DVL1: variants seen among roughly 807,000 people sequenced by gnomAD.
DVL1 encodes the protein segment polarity protein dishevelled homolog DVL-1.
DVL1 carries 49 observed loss-of-function variants against 65.0 expected under a neutral mutation model. That is an observed-to-expected ratio of 0.75 (90% CI 0.60 to 0.96). DVL1 has a LOEUF of 0.96. Ranked by LOEUF, DVL1 falls within the 40% of genes least tolerant of loss-of-function variation. DVL1 has a pLI of 0.00. For missense variants in DVL1, 1,197 were observed against 1,045.4 expected (o/e 1.15, Z -2.00); for synonymous variants, 608 against 433.9 (o/e 1.40, Z -4.99).
chr1:1,337,249 C>T (rs1269889717), intron 14 of DVL1, among the ~76,000 whole-genome samples: 2 of 152,168 alleles, frequency 1.3e-5, no homozygotes. Flanking sequence ...CGCCTCTCCT[C>T]TCTCGCCCTC....
At chr1:1,344,064 C>T (rs549770037) in intron 1 of DVL1, among the ~76,000 whole-genome samples, 1 of 152,204 alleles carries the variant, frequency 6.6e-6, no homozygotes, top group Admixed American at 6.5e-5. Context: ...GAGGGGATGG[C>T]TGGGCAGGGG....
In DVL1 at chr1:1,342,485, C is replaced by A; in HGVS notation, c.241-1G>T. ...AGTGAGCACCCTCAGCCAGGACCAGCTGTGGAGGGAGCAGGCATGCTCAGG... is the reference window on the plus strand; with the variant it reads ...AGTGAGCACCCTCAGCCAGGACCAGATGTGGAGGGAGCAGGCATGCTCAGG... On this transcript the variant is annotated splice_acceptor_variant, in intron 2 of 14. Coordinates refer to ENST00000378888, the MANE Select transcript of DVL1 (RefSeq NM_001330311.2). LOFTEE classifies it high-confidence loss of function. 6.2e-7 allele frequency: 1 copy of A among 1,610,096 alleles called. No individual in the cohort carries two copies. Among genetic ancestry groups the A allele is most frequent in the Admixed American group, 1.7e-5 (1 of 59,880 alleles).
rs763193745 is a variant in DVL1, at chr1:1,340,281, C to G, written c.735G>C (p.Met245Ile). 2 of 1,614,034 alleles carry G rather than the reference C, an allele frequency of 1.2e-6. No individual in the cohort carries two copies. The highest frequency in any genetic ancestry group is 2.2e-5 in the South Asian group (2 of 91,090). Residue 245 changes from methionine to isoleucine, a missense_variant, in exon 7 of 15, where the codon ATG becomes ATC. Coordinates refer to ENST00000378888, the MANE Select transcript of DVL1 (RefSeq NM_001330311.2). ...GCGTGACAGTGACGATGTTGAGGGA[C>G]ATGGTGGAGTCGGTTATGCTGCTGA... ...SSFSSITDST[M>I]SLNIVTVTLN...
intron 14 of DVL1, chr1:1,337,010 T>A (rs1210535474): frequency 1.0e-6 from 1 of 990,096 alleles, no homozygotes; most frequent in African/African-American, 1.7e-5. Flanking sequence ...GGCGGGACCC[T>A]GGCTTACCGG....
At position 1,342,176 on chromosome 1, in the gene DVL1, T is replaced by A; in HGVS notation, c.363-20A>T. 1 of 1,544,016 alleles carries A rather than the reference T, an allele frequency of 6.5e-7. No individual in the cohort carries two copies. Among genetic ancestry groups the A allele is most frequent in the Non-Finnish European group, 8.8e-7 (1 of 1,142,214 alleles). On this transcript the variant is annotated intron_variant, in intron 3 of 14. Coordinates refer to ENST00000378888, the MANE Select transcript of DVL1 (RefSeq NM_001330311.2). ...TTTGGGCTGTGCAACAAGAGCAGGG[T>A]GGGTGGGGAGGCCGTGGCCCCAGCC...
intron 14 of DVL1, chr1:1,337,096 C>T: frequency 1.0e-6 from 1 of 987,916 alleles, no homozygotes; most frequent in Non-Finnish European, 1.2e-6. Context: ...AGTTACACGC[C>T]CGGCTGCCTG....
rs770444542 is a variant in DVL1, at chr1:1,336,238, C to T, written c.1992G>A (p.Arg664=). 4.3e-5 allele frequency: 67 copies of T among 1,558,494 alleles called. No homozygotes were observed. The highest frequency in any genetic ancestry group is 1.7e-4 in the Middle Eastern group (1 of 6,034). ...ATTCCGGGGGGACGGCAGCCAGCTCCCGGACAGGGGGTCCCCCGGGTGGCC... is the reference window on the plus strand; with the variant it reads ...ATTCCGGGGGGACGGCAGCCAGCTCTCGGACAGGGGGTCCCCCGGGTGGCC... ...VGGPPGGPPV[R]ELAAVPPELT... is the part of the protein sequence containing the mutation. The change falls in exon 15 of 15, where the codon CGG becomes CGA. Residue 664 remains arginine (R), a synonymous_variant. Coordinates refer to ENST00000378888, the MANE Select transcript of DVL1 (RefSeq NM_001330311.2).
In DVL1 at chr1:1,342,076, G is replaced by A. The variant is rs748347919; in HGVS notation, c.443C>T (p.Ala148Val). 4 of 1,585,040 alleles carry A rather than the reference G, an allele frequency of 2.5e-6. No individual in the cohort carries two copies. The highest frequency in any genetic ancestry group is 3.4e-6 in the Non-Finnish European group (4 of 1,166,248). The change falls in exon 4 of 15, where the codon GCC (alanine) becomes GTC (valine). Residue 148 changes from alanine to valine, a missense_variant. Physicochemically the swap from Ala to Val is moderately conservative, Grantham distance 64 (BLOSUM62 0). Coordinates refer to ENST00000378888, the MANE Select transcript of DVL1 (RefSeq NM_001330311.2). ...ACCCTCCTCGCGGTTCCGGCGTCGG[G>A]CACGCTCCCGCCGGTGACTGACCAT... ...ESMVSHRRER[A>V]RRRNREEAAR...
chr1:1,338,229 T>TGGGCCCA, intron 13 of DVL1, 40 bp downstream of exon 13: 1 of 1,522,372 alleles, frequency 6.6e-7, no homozygotes, highest in Non-Finnish European at 9.0e-7. Context: ...CCTCCGGCGT[T>TGGGCCCA]CCCCTCCCCC....
At chr1:1,342,662 C>T (rs1643867143) in intron 2 of DVL1, 27 bp downstream of exon 2, 2 of 1,611,552 alleles carry the variant, frequency 1.2e-6, no homozygotes, top group Admixed American at 1.7e-5. Flanking sequence ...CCAGGCGAGC[C>T]TTCGGGGCCA....
chr1:1,341,961 C>A, intron 4 of DVL1, 92 bp downstream of exon 4: 1 of 1,457,264 alleles, frequency 6.9e-7, no homozygotes, highest in South Asian at 1.3e-5. Context: ...CCGCCACTGG[C>A]TGGGGGACAG....
chr1:1,337,931 G>C, intron 14 of DVL1, 46 bp downstream of exon 14: 1 of 1,509,364 alleles, frequency 6.6e-7, no homozygotes, highest in Non-Finnish European at 9.1e-7. Flanking sequence ...GTGGGGCGGA[G>C]CTGGGGGCGG....
intron 1 of DVL1, among the ~76,000 whole-genome samples, chr1:1,347,019 G>A (rs1486820709): frequency 6.6e-6 from 1 of 152,178 alleles, no homozygotes; most frequent in Non-Finnish European, 1.5e-5. Context: ...AAGGGATGAA[G>A]GAAGTAATTG....
chr1:1,337,023 C>T, intron 14 of DVL1: 1 of 989,700 alleles, frequency 1.0e-6, no homozygotes, highest in Non-Finnish European at 1.2e-6. Flanking sequence ...CTTACCGGCC[C>T]AAGGTCCGCT....
In DVL1 at chr1:1,348,995, G is replaced by C; in HGVS notation, c.71C>G (p.Ala24Gly). ...GTCGGCCAGCGTGACGCGCTCGGGG[G>C]CCACGGGCAGCTTGACCAGGTACGG... ...ETPYLVKLPV[A>G]PERVTLADFK... Residue 24 changes from alanine to glycine, a missense_variant, in exon 1 of 15, where the codon GCC becomes GGC. Physicochemically the swap from Ala to Gly is moderately conservative, Grantham distance 60. Transcript: ENST00000378888. 1 of 1,577,568 alleles carries C rather than the reference G, an allele frequency of 6.3e-7. No individual in the cohort carries two copies.
At position 1,340,248 on chromosome 1, in the gene DVL1, C is replaced by T. The variant is rs148469831; in HGVS notation, c.768G>A (p.Met256Ile). Reference sequence around the variant, plus strand: ...CCAACCCTCGCCCCGAGGCCTCACCCATGTTGAGCGTGACAGTGACGATGT... The same window carrying T: ...CCAACCCTCGCCCCGAGGCCTCACCTATGTTGAGCGTGACAGTGACGATGT... ...SLNIVTVTLN[M>I]ERHHFLGISI... The change falls in exon 7 of 15, where the codon ATG becomes ATA. Residue 256 changes from methionine to isoleucine, a missense_variant and splice_region_variant. Transcript: ENST00000378888. 2 of 1,614,004 alleles carry T rather than the reference C, an allele frequency of 1.2e-6. No individual in the cohort carries two copies. Among genetic ancestry groups the T allele is most frequent in the African/African-American group, 1.3e-5 (1 of 75,066 alleles).
At chr1:1,342,959 C>T (rs545995284) in intron 1 of DVL1, among the ~76,000 whole-genome samples, 3 of 152,016 alleles carry the variant, frequency 2.0e-5, no homozygotes, top group East Asian at 3.9e-4. Context: ...GGGCCAGTCA[C>T]TCTGCGGACA....
At position 1,340,459 on chromosome 1, in the gene DVL1, C is replaced by A; in HGVS notation, c.650G>T (p.Arg217Leu). Residue 217 changes from arginine (R) to leucine (L), a missense_variant, in exon 6 of 15, where the codon CGG becomes CTG. Arg to Leu is a moderately radical substitution (Grantham distance 102). Transcript: ENST00000378888. ...TEQSTSSRLI[R>L]KHKRRRRKQR... ...CTTCCTCCGCCGGCGTTTGTGCTTC[C>A]GGATGAGTCTGGATGAGGTGCTCTG... 6.2e-7 allele frequency: 1 copy of A among 1,611,544 alleles called. No individual in the cohort carries two copies. Among genetic ancestry groups the A allele is most frequent in the Non-Finnish European group, 8.5e-7 (1 of 1,179,126 alleles).
rs556140851 is a variant in DVL1 at position 1,344,195 on chromosome 1, T to C, written c.171-1437A>G. 3.3e-5 allele frequency among the ~76,000 whole-genome samples: 5 copies of C among 152,290 alleles called. No individual in the cohort carries two copies. The South Asian group carries it at 8.3e-4, about 25-fold the overall frequency. On this transcript the variant is annotated intron_variant, in intron 1 of 14. Transcript: ENST00000378888. ...GACGCCGCCTCGTGGCACCCTGCCC[T>C]GCCCAGCAGCATTTTCCACGCCCGG...
Sources: allele counts gnomAD v4.1 joint callset (sites outside exome capture counted in the v4.1 genomes callset), GRCh38; gene constraint gnomAD v4.1.1; transcripts MANE v1.5; gene names NCBI Gene and HGNC (gene_info 2026-07-23, HGNC 2026-07-21).